Variants in CNTN1 observed in about 807,000 individuals in gnomAD.
CNTN1 encodes contactin-1.
In CNTN1, 38 loss-of-function variants were observed where a neutral mutation model predicts 126.4. That is an observed-to-expected ratio of 0.30 (90% CI 0.23 to 0.39). The LOEUF (loss-of-function observed/expected upper bound fraction) is 0.39, where lower values mean the gene tolerates loss of function less well. CNTN1 is among the 10% of genes least tolerant of loss of function. The pLI, the probability that CNTN1 is intolerant of heterozygous loss-of-function variation, is 1.00. For synonymous variants in CNTN1, 413 were observed against 422.6 expected (o/e 0.98, Z 0.28); for missense variants, 1,009 against 1,248.4 (o/e 0.81, Z 2.89).
At chr12:41,001,679 A>G (rs575805097) in intron 17 of CNTN1, among the ~76,000 whole-genome samples, 81 of 152,100 alleles carry the variant, frequency 5.3e-4, no homozygotes, top group African/African-American at 1.9e-3. Context: ...GCCCATTCCT[A>G]TCTTCTGAAA....
chr12:40,813,058 T>TCTTTCTTTCTTC lies in CNTN1; in HGVS notation c.-76-95296_-76-95295insTCTTTCTTCCTT, dbSNP rs71078274. On this transcript the variant is annotated intron_variant, in intron 1 of 23. Transcript: ENST00000551295. Reference sequence around the variant, plus strand: ...TCTTTCCTTTCTTTCTTTCTTTCTTTCTTCCTTCCTTCCTTCCTTCCTTCC... The same window carrying TCTTTCTTTCTTC: ...TCTTTCCTTTCTTTCTTTCTTTCTTTCTTTCTTTCTTCCTTCCTTCCTTCCTTCCTTCCTTCC... 1.2e-3 allele frequency among the ~76,000 whole-genome samples: 128 copies of TCTTTCTTTCTTC among 104,778 alleles called. 1 individual carries two copies. Among genetic ancestry groups the TCTTTCTTTCTTC allele is most frequent in the African/African-American group, 3.1e-3 (89 of 28,698 alleles). 68.7% of individuals were successfully genotyped at this position (104,778 alleles called of 152,430 possible). A position where few individuals can be genotyped will look rare whatever the true frequency, so the allele number is the denominator to read the frequency against.
chr12:40,973,825 G>T (rs756920670), intron 15 of CNTN1, among the ~76,000 whole-genome samples: 1 of 152,118 alleles, frequency 6.6e-6, no homozygotes, highest in Non-Finnish European at 1.5e-5. Flanking sequence ...GATACGTGGG[G>T]TGTAGTCACA....
intron 14 of CNTN1, among the ~76,000 whole-genome samples, chr12:40,952,753 C>T (rs1946734749): frequency 6.6e-6 from 1 of 152,030 alleles, no homozygotes. Context: ...GTAATGTTTG[C>T]AGTTGGATAT....
intron 1 of CNTN1, among the ~76,000 whole-genome samples, chr12:40,883,306 G>T (rs1163581949): frequency 6.6e-6 from 1 of 151,498 alleles, no homozygotes; most frequent in Non-Finnish European, 1.5e-5. Flanking sequence ...TATAGTCATG[G>T]TGTCTGTTCT....
intron 1 of CNTN1, among the ~76,000 whole-genome samples, chr12:40,743,046 G>T (rs1938016708): frequency 6.6e-6 from 1 of 152,082 alleles, no homozygotes; most frequent in African/African-American, 2.4e-5. Flanking sequence ...AAATTATTCT[G>T]CAGGTTGAGG....
At chr12:41,064,407 T>C (rs1445277212) in intron 23 of CNTN1, among the ~76,000 whole-genome samples, 1 of 152,208 alleles carries the variant, frequency 6.6e-6, no homozygotes, top group Non-Finnish European at 1.5e-5. Flanking sequence ...GCTTATGCCA[T>C]TGTTTGCTTT....
intron 23 of CNTN1, among the ~76,000 whole-genome samples, chr12:41,030,270 T>C (rs278909): frequency 0.098 from 14,869 of 152,040 alleles, 1,198 homozygotes; most frequent in African/African-American, 0.22. Flanking sequence ...AAAAAATCCT[T>C]TACCACAATG....
At chr12:40,881,704 A>G (rs1247427496) in intron 1 of CNTN1, among the ~76,000 whole-genome samples, 2 of 151,886 alleles carry the variant, frequency 1.3e-5, no homozygotes, top group African/African-American at 2.4e-5. Context: ...GTAACATTAC[A>G]TATAAAAGAC....
At chr12:40,863,401 T>G (rs1208318566) in intron 1 of CNTN1, among the ~76,000 whole-genome samples, 2 of 152,220 alleles carry the variant, frequency 1.3e-5, no homozygotes, top group South Asian at 2.1e-4. Context: ...AGGCAACAAT[T>G]GTATTAACAA....
chr12:40,844,068 G>GTTTTTTTTTTTTTTTTTTTTTTT (rs1424373022), intron 1 of CNTN1, among the ~76,000 whole-genome samples: 38 of 40,206 alleles, frequency 9.5e-4, no homozygotes, highest in South Asian at 3.7e-3. Flanking sequence ...TTGGCACAAT[G>GTTTTTTTTTTTTTTTTTTTTTTT]ATTTTTTTTT....
chr12:40,799,571 T>C (rs1940567927), intron 1 of CNTN1, among the ~76,000 whole-genome samples: 1 of 151,964 alleles, frequency 6.6e-6, no homozygotes, highest in Non-Finnish European at 1.5e-5. Context: ...TTCTGAATCA[T>C]TGAGACCTGA....
intron 1 of CNTN1, among the ~76,000 whole-genome samples, chr12:40,758,015 T>C (rs1255368314): frequency 2.6e-5 from 4 of 151,878 alleles, no homozygotes; most frequent in Admixed American, 2.6e-4. Context: ...AATGTAAATC[T>C]GTCTCCCCTT....
chr12:40,835,974 A>G (rs1377439682), intron 1 of CNTN1, among the ~76,000 whole-genome samples: 1 of 123,362 alleles, frequency 8.1e-6, no homozygotes, highest in Non-Finnish European at 1.7e-5. Flanking sequence ...TGGTGGATGA[A>G]CAGGTATATA....
chr12:40,984,812 C>T (rs943145749), intron 16 of CNTN1, among the ~76,000 whole-genome samples: 10 of 151,754 alleles, frequency 6.6e-5, no homozygotes, highest in Admixed American at 5.9e-4. Flanking sequence ...TATTATAGAT[C>T]CAATAAGACA....
chr12:40,849,874 G>GGTACATACAGTATATATATA (rs1170232999), intron 1 of CNTN1, among the ~76,000 whole-genome samples: 3 of 151,518 alleles, frequency 2.0e-5, no homozygotes, highest in Admixed American at 6.6e-5. Flanking sequence ...ATACATATAT[G>GGTACATACAGTATATATATA]GTACATACAG....
At chr12:40,834,748 G>A (rs1429622903) in intron 1 of CNTN1, among the ~76,000 whole-genome samples, 1 of 152,074 alleles carries the variant, frequency 6.6e-6, no homozygotes, top group African/African-American at 2.4e-5. Context: ...CTGAGGAAAC[G>A]ACTTTTATTG....
intron 6 of CNTN1, among the ~76,000 whole-genome samples, chr12:40,929,110 T>A (rs1945793626): frequency 1.3e-5 from 2 of 151,978 alleles, no homozygotes; most frequent in African/African-American, 4.8e-5. Flanking sequence ...AAAGAAGGAA[T>A]AGAAAACTAT....
intron 1 of CNTN1, among the ~76,000 whole-genome samples, chr12:40,846,448 A>G (rs934976585): frequency 6.6e-6 from 1 of 152,202 alleles, no homozygotes. Flanking sequence ...AGCCTGGACA[A>G]CAGCGAAACT....
In CNTN1 at chr12:41,028,088, G is replaced by C. The variant is rs139626771; in HGVS notation, c.2823+119G>C. The stretch of plus-strand genomic sequence containing the variant: ...GCTCTGTCACCCAGACCGGAGTGCA[G>C]TGGTACAATCTTGGCTCATTGCAGC... On this transcript the variant is annotated intron_variant, in intron 22 of 23. Transcript: ENST00000551295. 2.0e-3 allele frequency: 1,450 copies of C among 716,226 alleles called. 14 individuals are homozygous for C. The East Asian group carries it at 0.023, about 12-fold the overall frequency. 44.4% of individuals were successfully genotyped at this position (716,226 alleles called of 1,614,324 possible).
Sources: gnomAD v4.1 joint callset for allele counts (sites outside exome capture counted in the v4.1 genomes callset) on GRCh38, gnomAD v4.1.1 for gene constraint, MANE v1.5 for transcripts, NCBI Gene and HGNC (gene_info 2026-07-23, HGNC 2026-07-21) for gene names.